Variants in ABCC4 observed in about 807,000 individuals in gnomAD.
The protein encoded by ABCC4 is ATP binding cassette subfamily C member 4 (PEL blood group), also known as ATP-binding cassette sub-family C member 4.
In ABCC4, 102 loss-of-function variants were observed where a neutral mutation model predicts 168.5. That is an observed-to-expected ratio of 0.61 (90% CI 0.52 to 0.71). The LOEUF (loss-of-function observed/expected upper bound fraction) is 0.71, where lower values mean the gene tolerates loss of function less well. Among genes scored for constraint, ABCC4 ranks in the 30% least tolerant of loss-of-function variants. The probability of loss-of-function intolerance (pLI) is 0.00; values close to 1 mark genes in which losing one functional copy is unlikely to be tolerated. For missense variants in ABCC4, 1,402 were observed against 1,605.8 expected, an observed-to-expected ratio of 0.87 and a Z score of 2.17; for synonymous variants, 617 against 590.7, an observed-to-expected ratio of 1.04 and a Z score of -0.65.
intron 27 of ABCC4, among the ~76,000 whole-genome samples, chr13:95,049,662 A>AAT (rs1555304899): frequency 6.0e-4 from 90 of 151,078 alleles, no homozygotes; most frequent in African/African-American, 2.1e-3. Context: ...TAAATAAATA[A>AAT]AAATAAATAA....
Position 95,166,188 on chromosome 13 carries a change from G to A in ABCC4, c.2004C>T (p.Ser668=). Residue 668 remains serine, a synonymous_variant, in exon 15 of 31, where the codon TCC becomes TCT. Transcript: ENST00000645237. The part of the protein sequence containing the change: ...SVWSQQSSRP[S]LKDGALESQD... ...GGCTCTCCAGAGCACCATCTTTCAA[G>A]GAGGGTCTAGAAGATTGTTGAGACC... The A allele has an allele frequency of 6.2e-7, 1 of 1,614,132 alleles. No individual in the cohort carries two copies. Among genetic ancestry groups the A allele is most frequent in the South Asian group, 1.1e-5 (1 of 91,080 alleles).
intron 29 of ABCC4, among the ~76,000 whole-genome samples, chr13:95,038,374 C>A (rs80351095): frequency 2.7e-3 from 262 of 97,596 alleles, no homozygotes; most frequent in Middle Eastern, 5.9e-3. Context: ...AGCCCATACT[C>A]AAAAAAAAAA....
chr13:95,196,655 A>G lies in ABCC4; in HGVS notation c.1162-1718T>C, dbSNP rs868645270. ...AAGGAAGGAAGGAAGGAAGGAAGGA[A>G]GGAAGGAAGGAAGGAAGGAAGGAAG... On this transcript the variant is annotated intron_variant, in intron 8 of 30. Coordinates refer to ENST00000645237, the MANE Select transcript of ABCC4 (RefSeq NM_005845.5). Among the ~76,000 whole-genome samples the G allele has an allele frequency of 6.2e-3, 208 of 33,416 alleles. 23 individuals are homozygous for G. The highest frequency in any genetic ancestry group is 0.015 in the South Asian group (14 of 928). The allele number at this position is 33,416 out of a possible 152,430, so 21.9% of individuals were successfully genotyped here.
At chr13:95,110,029 C>T (rs945399797) in intron 20 of ABCC4, among the ~76,000 whole-genome samples, 5 of 152,132 alleles carry the variant, frequency 3.3e-5, no homozygotes, top group Non-Finnish European at 5.9e-5. Flanking sequence ...CACGTATTGG[C>T]CAGGCGTGAT....
intron 13 of ABCC4, among the ~76,000 whole-genome samples, chr13:95,175,834 C>G (rs1325035324): frequency 6.6e-6 from 1 of 152,160 alleles, no homozygotes; most frequent in Non-Finnish European, 1.5e-5. Context: ...GCAGAAACAA[C>G]CTGCCGCTGT....
At chr13:95,236,570 G>A (rs937981711) in intron 3 of ABCC4, among the ~76,000 whole-genome samples, 1 of 148,022 alleles carries the variant, frequency 6.8e-6, no homozygotes, top group Admixed American at 6.9e-5. Flanking sequence ...ATCCCAACAA[G>A]CCTGTCTCGG....
At chr13:95,246,873 CT>C in intron 3 of ABCC4, 101 bp downstream of exon 3, 1 of 1,378,906 alleles carries the variant, frequency 7.3e-7, no homozygotes, top group Non-Finnish European at 9.9e-7. Context: ...CATCTGGCCA[CT>C]TCTCCCTTCT....
chr13:95,291,452 A>C (rs2041402850), intron 1 of ABCC4, among the ~76,000 whole-genome samples: 1 of 152,066 alleles, frequency 6.6e-6, no homozygotes, highest in Non-Finnish European at 1.5e-5. Context: ...ACCTCTCTTG[A>C]CACTTGTGGC....
chr13:95,077,914 T>TTCCG (rs1286722258), intron 21 of ABCC4, among the ~76,000 whole-genome samples: 1 of 151,988 alleles, frequency 6.6e-6, no homozygotes, highest in Non-Finnish European at 1.5e-5. Context: ...GAGTCCACAG[T>TTCCG]TCCGTAAGTG....
chr13:95,220,517 T>C (rs989374510), intron 4 of ABCC4, among the ~76,000 whole-genome samples: 1 of 127,138 alleles, frequency 7.9e-6, no homozygotes, highest in Non-Finnish European at 1.7e-5. Context: ...TTTAAGAAAA[T>C]GAAGAGATTT....
At chr13:95,153,072 G>C (rs2036741664) in intron 19 of ABCC4, among the ~76,000 whole-genome samples, 1 of 152,126 alleles carries the variant, frequency 6.6e-6, no homozygotes, top group African/African-American at 2.4e-5. Context: ...GTGGCTAATG[G>C]AATATCATTA....
intron 1 of ABCC4, among the ~76,000 whole-genome samples, chr13:95,286,630 C>T (rs536470115): frequency 6.6e-6 from 1 of 152,044 alleles, no homozygotes; most frequent in African/African-American, 2.4e-5. Context: ...TCCATATTCA[C>T]TTTCCCTGCT....
rs149775250 is a variant in ABCC4 at position 95,090,035 on chromosome 13, C to T, written c.2536-6745G>A. Among the ~76,000 whole-genome samples, 60 of 152,214 alleles carry T rather than the reference C, an allele frequency of 3.9e-4. No homozygotes were observed. The East Asian group carries it at 0.011, about 27-fold the overall frequency. ...GACTTCAAGAACAAACCAGCAATCC[C>T]AAGAGGAGCCACAGACCCTTTGAAG... On this transcript the variant is annotated intron_variant, in intron 20 of 30. Transcript: ENST00000645237.
At chr13:95,270,185 T>C (rs1051309477) in intron 1 of ABCC4, among the ~76,000 whole-genome samples, 2 of 152,120 alleles carry the variant, frequency 1.3e-5, no homozygotes, top group Non-Finnish European at 2.9e-5. Context: ...ACTATTAATA[T>C]TGGTGTTATC....
Position 95,280,089 on chromosome 13 carries a change from C to T in ABCC4, c.74+21152G>A, listed in dbSNP as rs553204167. The stretch of plus-strand genomic sequence containing the variant: ...AGTTTCTGACACTGGCCTGGGCTCC[C>T]GTTTTGCCCGTCACCAACTTCTCAC... On this transcript the variant is annotated intron_variant, in intron 1 of 30. Transcript: ENST00000645237. Among the ~76,000 whole-genome samples, 13 of 152,198 alleles carry T rather than the reference C, an allele frequency of 8.5e-5. No homozygotes were observed. In the East Asian group the frequency reaches 1.5e-3, roughly 18 times the overall value.
chr13:95,159,093 T>TTATATGTATA (rs1257474310), intron 19 of ABCC4, among the ~76,000 whole-genome samples: 39 of 61,026 alleles, frequency 6.4e-4, no homozygotes, highest in African/African-American at 1.7e-3. Flanking sequence ...TAAATAAATT[T>TTATATGTATA]TATATATATA....
intron 21 of ABCC4, among the ~76,000 whole-genome samples, chr13:95,077,200 A>C (rs3782949): frequency 0.27 from 41,148 of 152,186 alleles, 6,415 homozygotes; most frequent in African/African-American, 0.43. Flanking sequence ...GACCTAGCAC[A>C]ATGTCTTTAG....
intron 20 of ABCC4, among the ~76,000 whole-genome samples, chr13:95,089,156 T>C (rs961588237): frequency 6.6e-5 from 10 of 152,192 alleles, no homozygotes; most frequent in African/African-American, 2.2e-4. Context: ...ATAATTCTAT[T>C]ATTGAATTTA....
rs554779733 is a variant in ABCC4, at chr13:95,134,457, G to A, written c.2456-18456C>T. On this transcript the variant is annotated intron_variant, in intron 19 of 30. Coordinates refer to ENST00000645237, the MANE Select transcript of ABCC4 (RefSeq NM_005845.5). ...ATGTAGTGAAGGAAATGTGATCCCA[G>A]GAGCCATTTAAATGAAAACAAGAGA... 5.5e-4 allele frequency among the ~76,000 whole-genome samples: 83 copies of A among 152,198 alleles called. 1 individual carries two copies. The highest frequency in any genetic ancestry group is 1.9e-3 in the African/African-American group (81 of 41,540).
Sources: allele counts gnomAD v4.1 joint callset (sites outside exome capture counted in the v4.1 genomes callset), GRCh38; gene constraint gnomAD v4.1.1; transcripts MANE v1.5; gene names NCBI Gene and HGNC (gene_info 2026-07-23, HGNC 2026-07-21).